The following EFCAB6 variants were observed in gnomAD, a reference collection of about 807,000 sequenced individuals.
EFCAB6 encodes EF-hand calcium binding domain 6.
Under a neutral mutation model 169.8 loss-of-function variants are expected in EFCAB6, and 156 were observed. The observed-to-expected ratio is 0.92, with a 90% CI of 0.81 to 1.05. The LOEUF (loss-of-function observed/expected upper bound fraction) is 1.05, where lower values mean the gene tolerates loss of function less well. Ranked by LOEUF, EFCAB6 falls within the 50% of genes least tolerant of loss-of-function variation. EFCAB6 has a pLI of 0.00. For synonymous variants in EFCAB6, 698 were observed against 676.4 expected (o/e 1.03, Z -0.50); for missense variants, 1,800 against 1,829.1 (o/e 0.98, Z 0.29).
At chr22:43,636,454 C>G (rs1019053910) in intron 17 of EFCAB6, among the ~76,000 whole-genome samples, 2 of 152,034 alleles carry the variant, frequency 1.3e-5, no homozygotes, top group African/African-American at 4.8e-5. Flanking sequence ...AGGCTCCACA[C>G]GGATCTCATT....
chr22:43,532,378 C>T (rs1051741860), intron 30 of EFCAB6, among the ~76,000 whole-genome samples: 3 of 152,236 alleles, frequency 2.0e-5, no homozygotes, highest in East Asian at 1.9e-4. Context: ...AGCCCGTGCA[C>T]GTCCTAGCAA....
At position 43,765,345 on chromosome 22, in the gene EFCAB6, T is replaced by G. The variant is rs1444260103; in HGVS notation, c.400A>C (p.Arg134=). ...GTVPYLAFLS[R]FGGIDLYING... ...ATATATAGGTCAATTCCACCAAACC[T>G]GGACAGAAAGGCAAGGTACGGTACA... Residue 134 remains arginine, a synonymous_variant, in exon 5 of 32, where the codon AGG becomes CGG. Coordinates refer to ENST00000262726, the MANE Select transcript of EFCAB6 (RefSeq NM_022785.4). 2 of 1,612,566 alleles carry G rather than the reference T, an allele frequency of 1.2e-6. No homozygotes were observed. Among genetic ancestry groups the G allele is most frequent in the Non-Finnish European group, 1.7e-6 (2 of 1,179,116 alleles).
At chr22:43,741,218 C>G (rs1374995429) in intron 6 of EFCAB6, among the ~76,000 whole-genome samples, 1 of 152,012 alleles carries the variant, frequency 6.6e-6, no homozygotes, top group Non-Finnish European at 1.5e-5. Flanking sequence ...CAGCCACGGT[C>G]TCCGGGCTCT....
intron 2 of EFCAB6, among the ~76,000 whole-genome samples, chr22:43,805,686 T>C (rs1249508939): frequency 1.3e-5 from 2 of 152,096 alleles, no homozygotes; most frequent in East Asian, 3.9e-4. Context: ...CATTTCAAAA[T>C]AGCTAGAAAA....
At chr22:43,758,662 C>T (rs1794094489) in intron 5 of EFCAB6, among the ~76,000 whole-genome samples, 2 of 149,990 alleles carry the variant, frequency 1.3e-5, no homozygotes, top group Middle Eastern at 3.4e-3. Flanking sequence ...ACTTTCTTTG[C>T]TTTTCACTCC....
At position 43,782,266 on chromosome 22, in the gene EFCAB6, CGT is replaced by C; in HGVS notation, c.51_52del (p.Arg18LysfsTer13). ...ATGGGGTCTTGAATGTGTAAATTTT[CGT>C]GTGTGAGGATGCGACCTAAGCCAGT... On this transcript the variant is annotated frameshift_variant, in exon 3 of 32. Transcript: ENST00000262726. LOFTEE classifies it high-confidence loss of function. The C allele has an allele frequency of 6.2e-7, 1 of 1,614,018 alleles. No homozygotes were observed. Among genetic ancestry groups the C allele is most frequent in the Non-Finnish European group, 8.5e-7 (1 of 1,179,968 alleles).
chr22:43,572,427 C>T lies in EFCAB6; in HGVS notation c.3420+3870G>A, dbSNP rs942266860. Among the ~76,000 whole-genome samples the T allele has an allele frequency of 6.6e-6, 1 of 152,166 alleles. No homozygotes were observed. Among genetic ancestry groups the T allele is most frequent in the African/African-American group, 2.4e-5 (1 of 41,448 alleles). On this transcript the variant is annotated intron_variant, in intron 26 of 31. Transcript: ENST00000262726. The surrounding 1 kb of genome is among the most constrained non-coding windows in gnomAD (Gnocchi z 4.0). ...GCCCGGTCTTCTCCACTTGCAGGTC[C>T]TTTAGGGGTATCTTGCTATAGCTCC...
chr22:43,548,483 T>G (rs896646537), intron 27 of EFCAB6, among the ~76,000 whole-genome samples: 2 of 123,940 alleles, frequency 1.6e-5, no homozygotes, highest in East Asian at 5.1e-4. Context: ...GAGGTTGCAG[T>G]GAGCCGAGAT....
At chr22:43,783,560 C>T (rs534679426) in intron 2 of EFCAB6, among the ~76,000 whole-genome samples, 1 of 152,156 alleles carries the variant, frequency 6.6e-6, no homozygotes, top group Non-Finnish European at 1.5e-5. Flanking sequence ...AGATACTGTT[C>T]CCAGGCATTT....
chr22:43,726,276 C>CA (rs3994547), intron 8 of EFCAB6, among the ~76,000 whole-genome samples: 929 of 59,330 alleles, frequency 0.016, 9 homozygotes, highest in Non-Finnish European at 0.02. Flanking sequence ...AAAAATTCAC[C>CA]AAAAAAAAAA....
At chr22:43,743,860 T>TTAAGTGGATGGATGGATGGGTGGG (rs1425575608) in intron 6 of EFCAB6, among the ~76,000 whole-genome samples, 2 of 152,044 alleles carry the variant, frequency 1.3e-5, no homozygotes, top group East Asian at 3.9e-4. Context: ...TGAATAACTG[T>TTAAGTGGATGGATGGATGGGTGGG]TAAGTGGATG....
chr22:43,777,784 T>C (rs546476623), intron 3 of EFCAB6, among the ~76,000 whole-genome samples: 1 of 152,290 alleles, frequency 6.6e-6, no homozygotes, highest in South Asian at 2.1e-4. Flanking sequence ...AAAATATTGA[T>C]TTGAGACTAT....
chr22:43,576,636 C>G, intron 25 of EFCAB6, 148 bp from the exon 26 acceptor site: 1 of 638,496 alleles, frequency 1.6e-6, no homozygotes, highest in South Asian at 3.2e-5. Context: ...AATAAATGCA[C>G]CATTATTGAA....
intron 22 of EFCAB6, among the ~76,000 whole-genome samples, chr22:43,603,361 G>A (rs1002400714): frequency 6.6e-6 from 1 of 152,168 alleles, no homozygotes; most frequent in African/African-American, 2.4e-5. Flanking sequence ...ACACCAACTT[G>A]CCTATAAAGG....
chr22:43,547,864 G>A (rs943059842), intron 27 of EFCAB6, among the ~76,000 whole-genome samples: 1 of 152,174 alleles, frequency 6.6e-6, no homozygotes, highest in Non-Finnish European at 1.5e-5. Context: ...GGCCGAGGCG[G>A]GTAGATCACG....
At chr22:43,797,109 A>G (rs2062539154) in intron 2 of EFCAB6, 1 of 153,032 alleles carries the variant, frequency 6.5e-6, no homozygotes, top group South Asian at 2.1e-4. Flanking sequence ...AACCAGATAG[A>G]AGTGGCAATG....
rs189318063 is a variant in EFCAB6, at chr22:43,567,151, G to A, written c.3420+9146C>T. Among the ~76,000 whole-genome samples the A allele has an allele frequency of 1.7e-4, 26 of 151,560 alleles. No individual in the cohort carries two copies. The East Asian group carries it at 4.8e-3, about 28-fold the overall frequency. ...CCTCGTCCTCCTCATCATCCTCCTC[G>A]TCCTCCCCCTCCTCCTCCCAGCTCT... On this transcript the variant is annotated intron_variant, in intron 26 of 31. Coordinates refer to ENST00000262726, the MANE Select transcript of EFCAB6 (RefSeq NM_022785.4).
At chr22:43,710,605 T>C (rs1316119243) in intron 10 of EFCAB6, among the ~76,000 whole-genome samples, 1 of 152,092 alleles carries the variant, frequency 6.6e-6, no homozygotes, top group East Asian at 1.9e-4. Context: ...AGAGGGGAAG[T>C]TGTTATTACA....
At chr22:43,551,335 C>A (rs1351521313) in intron 27 of EFCAB6, among the ~76,000 whole-genome samples, 2 of 152,214 alleles carry the variant, frequency 1.3e-5, no homozygotes, top group African/African-American at 4.8e-5. Context: ...ATAGCACAAT[C>A]TCTGCTAATC....
Sources: gnomAD v4.1 joint callset for allele counts (sites outside exome capture counted in the v4.1 genomes callset) on GRCh38, gnomAD v4.1.1 for gene constraint, Gnocchi (gnomAD v3.1) non-coding constraint, MANE v1.5 for transcripts, NCBI Gene and HGNC (gene_info 2026-07-23, HGNC 2026-07-21) for gene names.